The following PALLD variants were observed in gnomAD, a reference collection of about 807,000 sequenced individuals.
The protein encoded by PALLD is palladin, cytoskeletal associated protein.
PALLD carries 61 observed loss-of-function variants against 123.5 expected under a neutral mutation model. That is an observed-to-expected ratio of 0.49 (90% CI 0.40 to 0.61). The LOEUF is 0.61. Ranked by LOEUF, PALLD falls within the 20% of genes least tolerant of loss-of-function variation. The pLI is 0.00. For synonymous variants in PALLD, 465 were observed against 496.4 expected, an observed-to-expected ratio of 0.94 and a Z score of 0.84; for missense variants, 1,273 against 1,377.0, an observed-to-expected ratio of 0.92 and a Z score of 1.20.
chr4:168,503,538 T>C (rs1381771131), intron 1 of PALLD, among the ~76,000 whole-genome samples: 2 of 151,260 alleles, frequency 1.3e-5, no homozygotes, highest in Non-Finnish European at 2.9e-5. Flanking sequence ...TCCCAGCTAC[T>C]CAGGAGGCTG....
chr4:168,756,879 G>A lies in PALLD; in HGVS notation c.1964+44956G>A, dbSNP rs377082140. On this transcript the variant is annotated intron_variant, in intron 10 of 21. Coordinates refer to ENST00000505667, the MANE Select transcript of PALLD (RefSeq NM_001166108.2). ...TAAATAGAGAGAAGTTCTAAGAACC[G>A]GCCTTGAAGCACTCTAGCATTAGAG... Among the ~76,000 whole-genome samples the A allele has an allele frequency of 2.6e-5, 4 of 152,270 alleles. No individual in the cohort carries two copies. In the East Asian group the frequency reaches 5.8e-4, roughly 22 times the overall value.
intron 2 of PALLD, among the ~76,000 whole-genome samples, chr4:168,659,211 C>T (rs1009883344): frequency 2.0e-5 from 3 of 152,230 alleles, no homozygotes; most frequent in Admixed American, 6.5e-5. Flanking sequence ...TTTCAAATTT[C>T]GTTTTGGTGG....
intron 10 of PALLD, among the ~76,000 whole-genome samples, chr4:168,752,103 G>T (rs1238498548): frequency 2.0e-5 from 3 of 152,180 alleles, no homozygotes; most frequent in African/African-American, 4.8e-5. Context: ...TGTAGGCTGG[G>T]TGCTCACGGC....
intron 2 of PALLD, among the ~76,000 whole-genome samples, chr4:168,621,809 G>C (rs1360889248): frequency 6.6e-6 from 1 of 152,118 alleles, no homozygotes; most frequent in Non-Finnish European, 1.5e-5. Context: ...AGTGGCCTAT[G>C]ACCCACCTTT....
intron 2 of PALLD, among the ~76,000 whole-genome samples, chr4:168,650,984 C>T (rs1403004436): frequency 6.6e-6 from 1 of 151,962 alleles, no homozygotes; most frequent in Non-Finnish European, 1.5e-5. Context: ...TGATATAATC[C>T]AAACTTTAGA....
chr4:168,788,598 G>T (rs1005285821), intron 10 of PALLD, among the ~76,000 whole-genome samples: 3 of 152,140 alleles, frequency 2.0e-5, no homozygotes, highest in Non-Finnish European at 2.9e-5. Flanking sequence ...AACACCAAGA[G>T]TGAACGCTGG....
At chr4:168,614,101 G>A (rs895344715) in intron 2 of PALLD, among the ~76,000 whole-genome samples, 2 of 152,190 alleles carry the variant, frequency 1.3e-5, no homozygotes, top group African/African-American at 4.8e-5. Context: ...CTTTAGCAGA[G>A]AATCTCCAGT....
intron 2 of PALLD, among the ~76,000 whole-genome samples, chr4:168,627,598 T>A (rs1775424621): frequency 6.6e-6 from 1 of 152,204 alleles, no homozygotes; most frequent in African/African-American, 2.4e-5. Flanking sequence ...AAGACAGGCC[T>A]ATCTATGACT....
rs1407300270 is a variant in PALLD at position 168,703,206 on chromosome 4, A to G, written c.1502-5822A>G. Reference sequence around the variant, plus strand: ...AGTTTACTGAGAATGATGATTTCCAATTTCATCCATGTCCCTACAAAGGAC... The same window carrying G: ...AGTTTACTGAGAATGATGATTTCCAGTTTCATCCATGTCCCTACAAAGGAC... On this transcript the variant is annotated intron_variant, in intron 8 of 21. Coordinates refer to ENST00000505667, the MANE Select transcript of PALLD (RefSeq NM_001166108.2). 5.5e-3 allele frequency among the ~76,000 whole-genome samples: 802 copies of G among 145,038 alleles called. 6 individuals carry two copies. The highest frequency in any genetic ancestry group is 0.022 in the East Asian group (104 of 4,670).
At chr4:168,634,957 T>C (rs1776198157) in intron 2 of PALLD, among the ~76,000 whole-genome samples, 1 of 152,230 alleles carries the variant, frequency 6.6e-6, no homozygotes, top group Admixed American at 6.5e-5. Flanking sequence ...TTTGAAAAGC[T>C]TTTTATGTTT....
intron 10 of PALLD, among the ~76,000 whole-genome samples, chr4:168,815,802 T>C (rs925451084): frequency 1.3e-5 from 2 of 152,238 alleles, no homozygotes; most frequent in Non-Finnish European, 2.9e-5. Flanking sequence ...TAGGATATCC[T>C]GTATGTTTAG....
At chr4:168,583,918 G>T (rs976953822) in intron 2 of PALLD, among the ~76,000 whole-genome samples, 3 of 151,914 alleles carry the variant, frequency 2.0e-5, no homozygotes, top group African/African-American at 7.3e-5. Flanking sequence ...ACCAAGAAAG[G>T]CATAGTTTCC....
At chr4:168,670,756 C>CAAAAAAAAAAAAAAAAAAAAAA (rs1297875131) in intron 3 of PALLD, among the ~76,000 whole-genome samples, 1 of 70,308 alleles carries the variant, frequency 1.4e-5, no homozygotes, top group Non-Finnish European at 2.7e-5. Flanking sequence ...ACAAAAAAAA[C>CAAAAAAAAAAAAAAAAAAAAAA]AAAAAAAACA....
At position 168,927,396 on chromosome 4, in the gene PALLD, T is replaced by C. The variant is rs1762698434; in HGVS notation, c.*1216T>C. On this transcript the variant is annotated 3_prime_UTR_variant, in exon 22 of 22. Coordinates refer to ENST00000505667, the MANE Select transcript of PALLD (RefSeq NM_001166108.2). ...GCCAGCTGGAAGTGTGGAGCACACATGCTGTGGAGCACACATGCTGTGGAG... is the reference window on the plus strand; with the variant it reads ...GCCAGCTGGAAGTGTGGAGCACACACGCTGTGGAGCACACATGCTGTGGAG... 4.4e-6 allele frequency: 1 copy of C among 228,048 alleles called. No individual in the cohort carries two copies. Among genetic ancestry groups the C allele is most frequent in the Non-Finnish European group, 8.5e-6 (1 of 117,060 alleles). The allele number at this position is 228,048 out of a possible 1,614,324, so 14.1% of individuals were successfully genotyped here. A position where few individuals can be genotyped will look rare whatever the true frequency, so the allele number is the denominator to read the frequency against.
intron 2 of PALLD, among the ~76,000 whole-genome samples, chr4:168,645,708 A>G (rs1044194856): frequency 2.0e-5 from 3 of 152,174 alleles, no homozygotes; most frequent in Admixed American, 6.6e-5. Context: ...TGCCATTATT[A>G]TTAGTTATTT....
intron 10 of PALLD, among the ~76,000 whole-genome samples, chr4:168,772,710 A>C (rs1447832248): frequency 6.6e-6 from 1 of 152,230 alleles, no homozygotes; most frequent in African/African-American, 2.4e-5. Flanking sequence ...AAGCAAAAAA[A>C]CACGCATCCC....
chr4:168,522,598 A>G (rs1439733321), intron 2 of PALLD, among the ~76,000 whole-genome samples: 7 of 152,208 alleles, frequency 4.6e-5, no homozygotes, highest in Non-Finnish European at 1.0e-4. Context: ...AATTACAGCA[A>G]TTCAAGGACT....
intron 5 of PALLD, 90 bp from the exon 6 acceptor site, chr4:168,685,395 G>T: frequency 1.2e-6 from 1 of 829,852 alleles, no homozygotes; most frequent in South Asian, 1.3e-5. Flanking sequence ...TCCTTCAAGT[G>T]GGTGATCCCC....
chr4:168,738,768 A>G (rs1209775226), intron 10 of PALLD, among the ~76,000 whole-genome samples: 1 of 139,946 alleles, frequency 7.1e-6, no homozygotes. Flanking sequence ...CAGCCCAACT[A>G]CAGCAAATCA....
Sources: allele counts gnomAD v4.1 joint callset (sites outside exome capture counted in the v4.1 genomes callset), GRCh38; gene constraint gnomAD v4.1.1; transcripts MANE v1.5; gene names NCBI Gene and HGNC (gene_info 2026-07-23, HGNC 2026-07-21).